ZMAT4: variants seen among roughly 807,000 people sequenced by gnomAD.
The protein encoded by ZMAT4 is zinc finger matrin-type protein 4.
ZMAT4 carries 17 observed loss-of-function variants against 28.7 expected under a neutral mutation model. The observed-to-expected ratio is 0.59, with a 90% CI of 0.41 to 0.89. The LOEUF is 0.89. ZMAT4 is among the 40% of genes least tolerant of loss of function. ZMAT4 has a pLI of 0.00. For synonymous variants in ZMAT4, 117 were observed against 109.2 expected, an observed-to-expected ratio of 1.07 and a Z score of -0.44; for missense variants, 240 against 283.8, an observed-to-expected ratio of 0.85 and a Z score of 1.11.
intron 2 of ZMAT4, among the ~76,000 whole-genome samples, chr8:40,797,536 C>G (rs1814649464): frequency 2.0e-5 from 3 of 152,160 alleles, no homozygotes; most frequent in Admixed American, 2.0e-4. Context: ...AGTGACAAGA[C>G]TAAGGACGGT....
intron 6 of ZMAT4, among the ~76,000 whole-genome samples, chr8:40,544,001 C>CA (rs1369320027): frequency 6.6e-6 from 1 of 152,154 alleles, no homozygotes; most frequent in African/African-American, 2.4e-5. Flanking sequence ...TCAAAAACTG[C>CA]AAAAAATGTT....
intron 5 of ZMAT4, among the ~76,000 whole-genome samples, chr8:40,621,985 GT>G (rs1234171205): frequency 3.3e-5 from 5 of 152,130 alleles, no homozygotes; most frequent in Non-Finnish European, 5.9e-5. Flanking sequence ...CTTTCACTTA[GT>G]TTTAGTAAAA....
At chr8:40,807,544 C>A (rs1020287666) in intron 2 of ZMAT4, among the ~76,000 whole-genome samples, 2 of 152,072 alleles carry the variant, frequency 1.3e-5, no homozygotes, top group Non-Finnish European at 2.9e-5. Context: ...AAGAAATAAC[C>A]CTGGATCTTA....
chr8:40,885,099 A>G (rs1251590247), intron 1 of ZMAT4, among the ~76,000 whole-genome samples: 1 of 152,054 alleles, frequency 6.6e-6, no homozygotes, highest in Non-Finnish European at 1.5e-5. Flanking sequence ...AGGGTTGTCT[A>G]GCTTAGAGCT....
At chr8:40,868,434 C>G (rs1390225345) in intron 1 of ZMAT4, among the ~76,000 whole-genome samples, 1 of 152,174 alleles carries the variant, frequency 6.6e-6, no homozygotes, top group Non-Finnish European at 1.5e-5. Flanking sequence ...AAACCTGGCA[C>G]CCCACCTATG....
intron 2 of ZMAT4, among the ~76,000 whole-genome samples, chr8:40,802,740 GA>G (rs1814906798): frequency 6.6e-6 from 1 of 152,120 alleles, no homozygotes; most frequent in African/African-American, 2.4e-5. Flanking sequence ...AGTTTAGACA[GA>G]GAGGCAAAAA....
chr8:40,744,580 C>A (rs1188151181), intron 3 of ZMAT4, among the ~76,000 whole-genome samples: 1 of 152,186 alleles, frequency 6.6e-6, no homozygotes, highest in Admixed American at 6.5e-5. Context: ...GCACCCTCCT[C>A]ACTGCAGCCT....
chr8:40,707,959 T>C (rs1810434025), intron 3 of ZMAT4, among the ~76,000 whole-genome samples: 1 of 152,182 alleles, frequency 6.6e-6, no homozygotes, highest in Non-Finnish European at 1.5e-5. Flanking sequence ...TCAGAAAATG[T>C]TGGCAGCAGT....
intron 5 of ZMAT4, among the ~76,000 whole-genome samples, chr8:40,615,976 C>G (rs1484772872): frequency 6.6e-6 from 1 of 152,128 alleles, no homozygotes; most frequent in Non-Finnish European, 1.5e-5. Context: ...AAAATTTTTG[C>G]AATCTACTCA....
chr8:40,643,414 G>C (rs139893015), intron 5 of ZMAT4, among the ~76,000 whole-genome samples: 1 of 152,270 alleles, frequency 6.6e-6, no homozygotes, highest in East Asian at 1.9e-4. Context: ...AAATATGTCA[G>C]TGACCAGTAC....
intron 4 of ZMAT4, among the ~76,000 whole-genome samples, chr8:40,683,327 A>G (rs1171327755): frequency 6.6e-6 from 1 of 152,196 alleles, no homozygotes; most frequent in Non-Finnish European, 1.5e-5. Context: ...TAAATCTTCA[A>G]ACACTACTCA....
chr8:40,747,758 G>A (rs976115238), intron 3 of ZMAT4, among the ~76,000 whole-genome samples: 1 of 152,120 alleles, frequency 6.6e-6, no homozygotes, highest in African/African-American at 2.4e-5. Flanking sequence ...AATAGATAAT[G>A]AGAGACCAAA....
At chr8:40,771,593 T>C (rs1188066702) in intron 2 of ZMAT4, among the ~76,000 whole-genome samples, 1 of 152,244 alleles carries the variant, frequency 6.6e-6, no homozygotes, top group Admixed American at 6.5e-5. Context: ...TAATGTCTTA[T>C]TAACATTCAA....
intron 5 of ZMAT4, among the ~76,000 whole-genome samples, chr8:40,592,619 G>A (rs560757863): frequency 5.3e-5 from 8 of 152,226 alleles, no homozygotes; most frequent in African/African-American, 1.7e-4. Flanking sequence ...TAAAGCTAGG[G>A]AATAAATTTA....
chr8:40,787,366 T>C (rs1814130739), intron 2 of ZMAT4, among the ~76,000 whole-genome samples: 1 of 152,254 alleles, frequency 6.6e-6, no homozygotes, highest in South Asian at 2.1e-4. Flanking sequence ...ATAAATTTAA[T>C]GCCTTTCCAT....
intron 2 of ZMAT4, among the ~76,000 whole-genome samples, chr8:40,780,626 A>C (rs1437765651): frequency 6.6e-6 from 1 of 152,258 alleles, no homozygotes; most frequent in East Asian, 1.9e-4. Context: ...TAAGAAGTTG[A>C]GAAGATATTA....
At chr8:40,584,588 A>G (rs983512512) in intron 5 of ZMAT4, among the ~76,000 whole-genome samples, 2 of 152,122 alleles carry the variant, frequency 1.3e-5, no homozygotes, top group African/African-American at 2.4e-5. Flanking sequence ...GGAAAAAATA[A>G]CCCCACAAAG....
chr8:40,760,739 A>ACAGTC (rs1276777134), intron 3 of ZMAT4, among the ~76,000 whole-genome samples: 1 of 68,328 alleles, frequency 1.5e-5, no homozygotes, highest in African/African-American at 5.6e-5. Context: ...TCTCTCTGTC[A>ACAGTC]TGCTCTCTCT....
chr8:40,537,926 G>T (rs1409000265), intron 6 of ZMAT4, among the ~76,000 whole-genome samples: 1 of 152,088 alleles, frequency 6.6e-6, no homozygotes, highest in South Asian at 2.1e-4. Context: ...AGAGCAAGGG[G>T]TCTGCAAAGT....
Sources: allele counts gnomAD v4.1 joint callset (sites outside exome capture counted in the v4.1 genomes callset), GRCh38; gene constraint gnomAD v4.1.1; transcripts MANE v1.5; gene names NCBI Gene and HGNC (gene_info 2026-07-23, HGNC 2026-07-21).